KDM4B: variants seen among roughly 807,000 people sequenced by gnomAD.
KDM4B encodes the protein lysine-specific demethylase 4B.
Under a neutral mutation model 125.2 loss-of-function variants are expected in KDM4B, and 32 were observed. The ratio of observed to expected loss-of-function variants is 0.26; its 90% confidence interval spans 0.19 to 0.34. The LOEUF is 0.34. KDM4B is among the 10% of genes least tolerant of loss of function. The pLI is 1.00. For synonymous variants in KDM4B, 721 were observed against 677.9 expected, an observed-to-expected ratio of 1.06 and a Z score of -0.99; for missense variants, 1,190 against 1,577.7, an observed-to-expected ratio of 0.75 and a Z score of 4.16.
intron 13 of KDM4B, among the ~76,000 whole-genome samples, chr19:5,132,835 T>C (rs1404609541): frequency 6.6e-6 from 1 of 152,136 alleles, no homozygotes; most frequent in Non-Finnish European, 1.5e-5. Context: ...ACGCAGCCAG[T>C]GGCTCTGTTC....
At position 5,142,389 on chromosome 19, in the gene KDM4B, AGGGGTGGCTCTG is replaced by A. The variant is rs1014167904; in HGVS notation, c.2551-1575_2551-1564del. Among the ~76,000 whole-genome samples, 3 of 152,134 alleles carry A rather than the reference AGGGGTGGCTCTG, an allele frequency of 2.0e-5. No homozygotes were observed. The highest frequency in any genetic ancestry group is 4.1e-4 in the South Asian group (2 of 4,830). On this transcript the variant is annotated intron_variant, in intron 18 of 22. Coordinates refer to ENST00000159111, the MANE Select transcript of KDM4B (RefSeq NM_015015.3). The surrounding 1 kb of genome is among the most constrained non-coding windows in gnomAD (Gnocchi z 5.4). ...TGGCGTGACTGGACCTCGCCTTAGT[AGGGGTGGCTCTG>A]GGCAACCTCGGCCCCAGGCACAGCT...
chr19:5,020,709 G>GT (rs2036089139), intron 2 of KDM4B, among the ~76,000 whole-genome samples: 1 of 152,180 alleles, frequency 6.6e-6, no homozygotes, highest in East Asian at 1.9e-4. Flanking sequence ...GTATTGAATC[G>GT]TAATGGTTTC....
chr19:5,077,489 T>C lies in KDM4B; in HGVS notation c.780+19T>C. On this transcript the variant is annotated intron_variant, in intron 8 of 22. Transcript: ENST00000159111. Reference sequence around the variant, plus strand: ...CAGCCGGGTGCGTACGGGTGGGGCCTGCACGCCTGTGGGTGAAGTGGGTAC... The same window carrying C: ...CAGCCGGGTGCGTACGGGTGGGGCCCGCACGCCTGTGGGTGAAGTGGGTAC... 1 of 1,594,574 alleles carries C rather than the reference T, an allele frequency of 6.3e-7. No homozygotes were observed. Among genetic ancestry groups the C allele is most frequent in the Non-Finnish European group, 8.6e-7 (1 of 1,163,016 alleles).
At chr19:5,116,452 C>T (rs2039258267) in intron 10 of KDM4B, among the ~76,000 whole-genome samples, 1 of 152,078 alleles carries the variant, frequency 6.6e-6, no homozygotes, top group Admixed American at 6.5e-5. Flanking sequence ...TCTCGTATTC[C>T]ACCTCCTTTC....
chr19:5,110,616 C>T lies in KDM4B; in HGVS notation c.919-6C>T, dbSNP rs2039122318. 1 of 1,612,700 alleles carries T rather than the reference C, an allele frequency of 6.2e-7. No homozygotes were observed. Among genetic ancestry groups the T allele is most frequent in the African/African-American group, 1.3e-5 (1 of 74,928 alleles). ...GCGAGGGCTCAGACCGTGTCCCCTGCCGCAGTGCACGTGCCGGAAGGACAT... is the reference window on the plus strand; with the variant it reads ...GCGAGGGCTCAGACCGTGTCCCCTGTCGCAGTGCACGTGCCGGAAGGACAT... On this transcript the variant is annotated splice_polypyrimidine_tract_variant and splice_region_variant and intron_variant, in intron 9 of 22. Transcript: ENST00000159111.
intron 1 of KDM4B, among the ~76,000 whole-genome samples, chr19:4,998,079 C>A (rs2035258480): frequency 6.6e-6 from 1 of 152,384 alleles, no homozygotes; most frequent in Non-Finnish European, 1.5e-5. Flanking sequence ...TGCCTCCTGA[C>A]TGGGTGGGAG....
intron 10 of KDM4B, chr19:5,113,018 C>G (rs535191822): frequency 6.6e-6 from 1 of 152,456 alleles, no homozygotes; most frequent in Non-Finnish European, 1.5e-5. Context: ...TGGAATGGGA[C>G]TAGAGGCCGT....
intron 6 of KDM4B, 178 bp from the exon 7 acceptor site, chr19:5,070,832 G>A (rs564545949): frequency 1.3e-4 from 69 of 524,050 alleles, no homozygotes; most frequent in Non-Finnish European, 1.9e-4. Context: ...GCTTCCTTAC[G>A]GATTCCGTCC....
intron 1 of KDM4B, among the ~76,000 whole-genome samples, chr19:4,982,562 A>C (rs1416677444): frequency 6.6e-6 from 1 of 151,742 alleles, no homozygotes. Context: ...TATGTTTTTA[A>C]TGGCTTGTCT....
chr19:5,062,418 C>T (rs1488839724), intron 6 of KDM4B, among the ~76,000 whole-genome samples: 1 of 152,270 alleles, frequency 6.6e-6, no homozygotes, highest in African/African-American at 2.4e-5. Context: ...ACCTGCCCTT[C>T]CTCCCGTCCG....
intron 1 of KDM4B, among the ~76,000 whole-genome samples, chr19:4,973,704 C>T (rs1439409651): frequency 1.3e-5 from 2 of 152,068 alleles, no homozygotes; most frequent in Admixed American, 6.6e-5. Flanking sequence ...TCTATTCCCT[C>T]CTGCTCCCTT....
At chr19:5,067,679 C>T (rs917216602) in intron 6 of KDM4B, among the ~76,000 whole-genome samples, 2 of 152,054 alleles carry the variant, frequency 1.3e-5, no homozygotes, top group African/African-American at 2.4e-5. Context: ...GGGCAGGGCC[C>T]GTGCAGGTCA....
intron 6 of KDM4B, among the ~76,000 whole-genome samples, chr19:5,066,936 T>A (rs1161255648): frequency 6.6e-6 from 1 of 152,144 alleles, no homozygotes. Context: ...GGAGTGGCGA[T>A]GCCCGGGTCC....
intron 4 of KDM4B, 144 bp downstream of exon 4, chr19:5,040,155 G>A (rs2036761108): frequency 3.2e-6 from 3 of 926,622 alleles, no homozygotes; most frequent in Non-Finnish European, 3.1e-6. Context: ...GGGCTGTGGC[G>A]ACCCCTGCTC....
chr19:5,062,861 G>T (rs2037651655), intron 6 of KDM4B, among the ~76,000 whole-genome samples: 2 of 145,134 alleles, frequency 1.4e-5, no homozygotes, highest in African/African-American at 5.1e-5. Context: ...GCTCACTGCA[G>T]CCTCAACCTC....
intron 9 of KDM4B, among the ~76,000 whole-genome samples, chr19:5,087,335 T>G (rs1052982347): frequency 6.6e-6 from 1 of 152,188 alleles, no homozygotes; most frequent in Non-Finnish European, 1.5e-5. Context: ...CCTGTGTGTC[T>G]GTGTGGGGGA....
At chr19:5,099,530 A>G (rs565204112) in intron 9 of KDM4B, among the ~76,000 whole-genome samples, 2 of 152,360 alleles carry the variant, frequency 1.3e-5, no homozygotes, top group African/African-American at 4.8e-5. Flanking sequence ...CCTTCCCAGA[A>G]TGGGGGTTAA....
chr19:5,102,055 G>A lies in KDM4B; in HGVS notation c.919-8567G>A, dbSNP rs1406035740. ...TGCGGCAGTCCTCGCGCAGACCTCC[G>A]TTTTGAGCACCCCCACCCTTGTTTC... On this transcript the variant is annotated intron_variant, in intron 9 of 22. Transcript: ENST00000159111. 2.0e-5 allele frequency among the ~76,000 whole-genome samples: 3 copies of A among 152,262 alleles called. No individual in the cohort carries two copies. In the East Asian group the frequency reaches 5.8e-4, roughly 29 times the overall value.
chr19:5,085,587 C>T (rs534157093), intron 9 of KDM4B, among the ~76,000 whole-genome samples: 263 of 152,338 alleles, frequency 1.7e-3, no homozygotes, highest in South Asian at 3.9e-3. Context: ...CATTGTCAGG[C>T]GGCGTAGCAA....
Sources: gnomAD v4.1 joint callset for allele counts (sites outside exome capture counted in the v4.1 genomes callset) on GRCh38, gnomAD v4.1.1 for gene constraint, Gnocchi (gnomAD v3.1) non-coding constraint, MANE v1.5 for transcripts, NCBI Gene and HGNC (gene_info 2026-07-23, HGNC 2026-07-21) for gene names.